The following PTPRK variants were observed in gnomAD, a reference collection of about 807,000 sequenced individuals.
PTPRK encodes the protein receptor-type tyrosine-protein phosphatase kappa.
Under a neutral mutation model 178.0 loss-of-function variants are expected in PTPRK, and 75 were observed. The observed-to-expected ratio is 0.42, with a 90% CI of 0.35 to 0.51. The LOEUF (loss-of-function observed/expected upper bound fraction) is 0.51. Ranked by LOEUF, PTPRK falls within the 20% of genes least tolerant of loss-of-function variation. The pLI, the probability that PTPRK is intolerant of heterozygous loss-of-function variation, is 0.02. For missense variants in PTPRK, 1,441 were observed against 1,797.8 expected, an observed-to-expected ratio of 0.80 and a Z score of 3.59; for synonymous variants, 637 against 620.6, an observed-to-expected ratio of 1.03 and a Z score of -0.39.
chr6:128,225,286 A>G (rs893307039), intron 5 of PTPRK, among the ~76,000 whole-genome samples: 1 of 152,040 alleles, frequency 6.6e-6, no homozygotes, highest in African/African-American at 2.4e-5. Flanking sequence ...CATCTTCTTA[A>G]AATTGTAGGA....
intron 2 of PTPRK, among the ~76,000 whole-genome samples, chr6:128,336,800 G>T (rs1286495418): frequency 6.6e-6 from 1 of 152,104 alleles, no homozygotes; most frequent in Non-Finnish European, 1.5e-5. Context: ...ATTAAACTCT[G>T]CAAACACCAT....
chr6:128,308,413 A>G (rs770793009), intron 3 of PTPRK, among the ~76,000 whole-genome samples: 2 of 151,906 alleles, frequency 1.3e-5, no homozygotes, highest in Non-Finnish European at 2.9e-5. Flanking sequence ...AAAATATTTC[A>G]CCAAAAATAA....
Position 128,195,274 on chromosome 6 carries a change from G to T in PTPRK, c.869-10549C>A, listed in dbSNP as rs74645638. The stretch of plus-strand genomic sequence containing the variant: ...AGGTCTAAACACTCCATTGTGATGA[G>T]TCTTTGTAACATACAACGTACAAGC... On this transcript the variant is annotated intron_variant, in intron 6 of 29. Coordinates refer to ENST00000368226, the MANE Select transcript of PTPRK (RefSeq NM_002844.4). Among the ~76,000 whole-genome samples, 731 of 152,012 alleles carry T rather than the reference G, an allele frequency of 4.8e-3. 4 individuals carry two copies. The highest frequency in any genetic ancestry group is 0.01 in the Middle Eastern group (3 of 294).
At chr6:128,309,959 C>T (rs933899316) in intron 3 of PTPRK, among the ~76,000 whole-genome samples, 4 of 151,978 alleles carry the variant, frequency 2.6e-5, no homozygotes, top group South Asian at 4.1e-4. Flanking sequence ...GTTCCAGTCT[C>T]GGTGCCTACA....
chr6:128,030,466 C>T (rs1015745811), intron 13 of PTPRK, among the ~76,000 whole-genome samples: 5 of 152,230 alleles, frequency 3.3e-5, no homozygotes, highest in African/African-American at 1.2e-4. Context: ...TTTATCTGTA[C>T]ATCCTGACAT....
chr6:128,302,416 A>AG (rs1414672329), intron 3 of PTPRK, among the ~76,000 whole-genome samples: 1 of 150,294 alleles, frequency 6.7e-6, no homozygotes, highest in African/African-American at 2.5e-5. Context: ...AAAAAAAAAA[A>AG]AGCCAGGAAA....
At position 128,184,684 on chromosome 6, in the gene PTPRK, C is replaced by T; in HGVS notation, c.910G>A (p.Gly304Arg). ...AGTTGGATCAGCAAATATGTAGGCC[C>T]AACACCAAGAAGCTGAGGAGGAGCA... Reference protein sequence around the residue: ...PIAPPQLLGVGPTYLLIQLNA... With the variant: ...PIAPPQLLGVRPTYLLIQLNA... Residue 304 changes from glycine (G) to arginine (R), a missense_variant, in exon 7 of 30, where the codon GGG becomes AGG. Around this residue, in one of 4 missense-constraint regions of PTPRK, gnomAD observed 945 missense variants for 1,080.6 expected, o/e 0.87. Coordinates refer to ENST00000368226, the MANE Select transcript of PTPRK (RefSeq NM_002844.4). The T allele has an allele frequency of 6.2e-7, 1 of 1,613,868 alleles. No individual in the cohort carries two copies. Among genetic ancestry groups the T allele is most frequent in the Admixed American group, 1.7e-5 (1 of 59,964 alleles).
intron 13 of PTPRK, among the ~76,000 whole-genome samples, chr6:128,010,282 C>T (rs76500171): frequency 1.3e-5 from 2 of 151,384 alleles, no homozygotes; most frequent in Non-Finnish European, 3.0e-5. Flanking sequence ...CAGGATTAGA[C>T]ACATTTGGGA....
At chr6:127,996,851 C>A in intron 17 of PTPRK, 50 bp downstream of exon 17, 2 of 1,567,758 alleles carry the variant, frequency 1.3e-6, no homozygotes, top group Non-Finnish European at 1.7e-6. Context: ...AGTTTAAAAC[C>A]ATATAAGCAT....
At chr6:128,283,548 T>C (rs1315332199) in intron 3 of PTPRK, among the ~76,000 whole-genome samples, 2 of 152,188 alleles carry the variant, frequency 1.3e-5, no homozygotes, top group Non-Finnish European at 2.9e-5. Flanking sequence ...CTAAACATTG[T>C]CTGGTAAATT....
At chr6:128,426,410 G>T (rs1382358592) in intron 1 of PTPRK, among the ~76,000 whole-genome samples, 1 of 152,004 alleles carries the variant, frequency 6.6e-6, no homozygotes, top group Non-Finnish European at 1.5e-5. Flanking sequence ...TATTTTTACA[G>T]TATTTTATTC....
intron 3 of PTPRK, among the ~76,000 whole-genome samples, chr6:128,245,230 T>A (rs891261038): frequency 6.6e-6 from 1 of 151,958 alleles, no homozygotes; most frequent in Non-Finnish European, 1.5e-5. Flanking sequence ...TGCCTCTAGG[T>A]TGCTTTTGAA....
chr6:128,473,583 CTAAT>C (rs1851006620), intron 1 of PTPRK, among the ~76,000 whole-genome samples: 2 of 151,816 alleles, frequency 1.3e-5, no homozygotes, highest in Admixed American at 1.3e-4. Flanking sequence ...GGTAATTTTC[CTAAT>C]TGATTTTTAC....
At chr6:128,026,963 C>T (rs538158854) in intron 13 of PTPRK, among the ~76,000 whole-genome samples, 1 of 152,262 alleles carries the variant, frequency 6.6e-6, no homozygotes, top group East Asian at 1.9e-4. Flanking sequence ...TAATTAACTC[C>T]AGTCAATTTC....
At chr6:128,066,581 A>G (rs747458350) in intron 12 of PTPRK, among the ~76,000 whole-genome samples, 2 of 152,162 alleles carry the variant, frequency 1.3e-5, no homozygotes, top group Non-Finnish European at 2.9e-5. Flanking sequence ...GGACTCAATT[A>G]CATAAACCCA....
rs963992789 is a variant in PTPRK, at chr6:128,411,376, T to G, written c.101-13688A>C. Among the ~76,000 whole-genome samples, 13 of 152,328 alleles carry G rather than the reference T, an allele frequency of 8.5e-5. No homozygotes were observed. In the South Asian group the frequency reaches 2.3e-3, roughly 27 times the overall value. On this transcript the variant is annotated intron_variant, in intron 1 of 29. Coordinates refer to ENST00000368226, the MANE Select transcript of PTPRK (RefSeq NM_002844.4). ...ATGTAAACTAGTCAACATTACTATC[T>G]ACATTAAATAGAGAAAATATAAACA...
chr6:128,503,375 A>G (rs968820017), intron 1 of PTPRK, among the ~76,000 whole-genome samples: 1 of 152,034 alleles, frequency 6.6e-6, no homozygotes, highest in African/African-American at 2.4e-5. Flanking sequence ...GAGAAACTTA[A>G]CTAATCACCC....
intron 3 of PTPRK, among the ~76,000 whole-genome samples, chr6:128,271,295 A>G (rs969361756): frequency 2.0e-5 from 3 of 152,184 alleles, no homozygotes; most frequent in Admixed American, 6.6e-5. Flanking sequence ...CTCCAGAGTC[A>G]GAGCAGTGAT....
At chr6:128,290,768 T>A (rs769546999) in intron 3 of PTPRK, among the ~76,000 whole-genome samples, 1 of 152,098 alleles carries the variant, frequency 6.6e-6, no homozygotes, top group African/African-American at 2.4e-5. Context: ...ATCTGAAGAT[T>A]GATTTTAAAA....
Sources: gnomAD v4.1 joint callset for allele counts (sites outside exome capture counted in the v4.1 genomes callset) on GRCh38, gnomAD v4.1.1 for gene constraint, gnomAD v4.1.1 regional missense constraint, MANE v1.5 for transcripts, NCBI Gene and HGNC (gene_info 2026-07-23, HGNC 2026-07-21) for gene names.